ZNF385D: variants seen among roughly 807,000 people sequenced by gnomAD.
ZNF385D encodes zinc finger protein 659.
Under a neutral mutation model 35.8 loss-of-function variants are expected in ZNF385D, and 15 were observed. The observed-to-expected ratio is 0.42, with a 90% CI of 0.28 to 0.64. The LOEUF is 0.64. Ranked by LOEUF, ZNF385D falls within the 30% of genes least tolerant of loss-of-function variation. The probability of loss-of-function intolerance (pLI) is 0.23; values close to 1 mark genes in which losing one functional copy is unlikely to be tolerated. For missense variants in ZNF385D, 474 were observed against 494.6 expected (o/e 0.96, Z 0.39); for synonymous variants, 212 against 186.8 (o/e 1.13, Z -1.10).
intron 2 of ZNF385D, among the ~76,000 whole-genome samples, chr3:22,285,200 G>A (rs1345095437): frequency 6.6e-6 from 1 of 152,094 alleles, no homozygotes; most frequent in Admixed American, 6.6e-5. Context: ...TCTTCAAACA[G>A]GTTACTCTGT....
At chr3:21,795,060 C>A (rs2072089675) in intron 3 of ZNF385D, among the ~76,000 whole-genome samples, 1 of 152,084 alleles carries the variant, frequency 6.6e-6, no homozygotes, top group Non-Finnish European at 1.5e-5. Context: ...TGTACCTGAT[C>A]CTTAATTAAA....
chr3:21,797,835 G>A (rs1446890667), intron 3 of ZNF385D, among the ~76,000 whole-genome samples: 4 of 152,140 alleles, frequency 2.6e-5, no homozygotes, highest in Admixed American at 1.3e-4. Flanking sequence ...GTGGTTTCCA[G>A]GAATTTGGGG....
At chr3:21,670,647 G>GCCCCCCCCCCCCCCCCCCCCC (rs1575432248) in intron 1 of ZNF385D, among the ~76,000 whole-genome samples, 1 of 15,758 alleles carries the variant, frequency 6.3e-5, no homozygotes, top group Non-Finnish European at 1.2e-4. Flanking sequence ...GAAATCCTAA[G>GCCCCCCCCCCCCCCCCCCCCC]GCGCCCCCCC....
chr3:22,295,617 A>C (rs1702530579), intron 2 of ZNF385D, among the ~76,000 whole-genome samples: 2 of 152,196 alleles, frequency 1.3e-5, no homozygotes, highest in Admixed American at 6.5e-5. Flanking sequence ...TCTAGGGCTG[A>C]ACTAGGTAAA....
intron 3 of ZNF385D, among the ~76,000 whole-genome samples, chr3:21,793,856 C>T (rs1020300052): frequency 2.0e-5 from 3 of 152,184 alleles, no homozygotes; most frequent in Non-Finnish European, 4.4e-5. Context: ...GTTTAGGGAA[C>T]CATTCTCAGG....
rs987330047 is a variant in ZNF385D, at chr3:21,908,347, G to A, written c.326-243319C>T. ...AAGGGCCTGAATGATATTACATGAG[G>A]AACAGATAGATACCTTTCCTATTGA... On this transcript the variant is annotated intron_variant, in intron 3 of 5. Coordinates refer to the ZNF385D transcript ENST00000494108. Among the ~76,000 whole-genome samples, 4 of 151,930 alleles carry A rather than the reference G, an allele frequency of 2.6e-5. No homozygotes were observed. The South Asian group carries it at 8.3e-4, about 32-fold the overall frequency.
chr3:21,872,402 A>G (rs1241652720), intron 3 of ZNF385D, among the ~76,000 whole-genome samples: 2 of 152,186 alleles, frequency 1.3e-5, no homozygotes, highest in African/African-American at 4.8e-5. Context: ...CTGGAACTCC[A>G]TATACACACT....
chr3:22,174,734 T>C (rs1356239046), intron 2 of ZNF385D, among the ~76,000 whole-genome samples: 1 of 152,100 alleles, frequency 6.6e-6, no homozygotes, highest in Non-Finnish European at 1.5e-5. Context: ...TTCATGGCGA[T>C]AACACTGAAA....
chr3:22,062,115 G>T (rs1349252205), intron 3 of ZNF385D, among the ~76,000 whole-genome samples: 1 of 152,116 alleles, frequency 6.6e-6, no homozygotes, highest in Non-Finnish European at 1.5e-5. Flanking sequence ...ATGCCTCCCT[G>T]CAGCCTCGAC....
intron 2 of ZNF385D, among the ~76,000 whole-genome samples, chr3:22,230,831 C>T (rs752882279): frequency 2.0e-5 from 3 of 152,078 alleles, no homozygotes; most frequent in Non-Finnish European, 4.4e-5. Context: ...TGTCTGCTTG[C>T]AGTGCCATGG....
intron 3 of ZNF385D, among the ~76,000 whole-genome samples, chr3:22,129,655 C>G (rs1703657229): frequency 6.6e-6 from 1 of 151,996 alleles, no homozygotes; most frequent in Non-Finnish European, 1.5e-5. Context: ...GGTGTTTATT[C>G]AAGACCCAAG....
At chr3:21,994,559 T>C (rs1242941748) in intron 3 of ZNF385D, among the ~76,000 whole-genome samples, 3 of 152,206 alleles carry the variant, frequency 2.0e-5, no homozygotes, top group Non-Finnish European at 2.9e-5. Flanking sequence ...TTGGAATCTA[T>C]TGCTTGAGAA....
In ZNF385D at chr3:21,525,296, A is replaced by G. The variant is rs555805914; in HGVS notation, c.277-14273T>C. Among the ~76,000 whole-genome samples, 48 of 152,314 alleles carry G rather than the reference A, an allele frequency of 3.2e-4. 1 individual carries two copies. The South Asian group carries it at 5.0e-3, about 16-fold the overall frequency. On this transcript the variant is annotated intron_variant, in intron 3 of 7. Transcript: ENST00000281523. ...GGTATATTCAGTGATTTGAGGAAGA[A>G]ATGCCAAACAGAGACTGCATTTGGC...
chr3:22,038,633 T>G (rs933258160), intron 3 of ZNF385D, among the ~76,000 whole-genome samples: 2 of 152,086 alleles, frequency 1.3e-5, no homozygotes, highest in Non-Finnish European at 2.9e-5. Context: ...AATCAAAAGT[T>G]TGAAAAAACT....
chr3:22,316,302 C>T (rs1703881224), intron 2 of ZNF385D, among the ~76,000 whole-genome samples: 1 of 152,198 alleles, frequency 6.6e-6, no homozygotes, highest in South Asian at 2.1e-4. Flanking sequence ...TGTCCTAAAT[C>T]TTGGCTGGCC....
chr3:22,105,976 C>A (rs915886474), intron 3 of ZNF385D, among the ~76,000 whole-genome samples: 2 of 152,004 alleles, frequency 1.3e-5, no homozygotes, highest in Non-Finnish European at 2.9e-5. Flanking sequence ...TCATAAATAA[C>A]TTTCATATTA....
intron 3 of ZNF385D, among the ~76,000 whole-genome samples, chr3:21,887,828 T>C (rs905830015): frequency 3.3e-5 from 5 of 152,108 alleles, no homozygotes; most frequent in African/African-American, 1.2e-4. Context: ...ATGTCAGGAA[T>C]TGAAAAGAAA....
At chr3:21,553,928 G>A (rs1213562960) in intron 3 of ZNF385D, among the ~76,000 whole-genome samples, 4 of 152,054 alleles carry the variant, frequency 2.6e-5, no homozygotes, top group Non-Finnish European at 5.9e-5. Context: ...TACTTCTCTT[G>A]CTATTTCCAC....
chr3:22,013,901 C>A (rs1696722624), intron 3 of ZNF385D, among the ~76,000 whole-genome samples: 1 of 151,924 alleles, frequency 6.6e-6, no homozygotes, highest in Non-Finnish European at 1.5e-5. Flanking sequence ...TAATTAAGTA[C>A]AAAGCTCTTC....
Sources: allele counts gnomAD v4.1 joint callset (sites outside exome capture counted in the v4.1 genomes callset), GRCh38; gene constraint gnomAD v4.1.1; transcripts MANE v1.5; gene names NCBI Gene and HGNC (gene_info 2026-07-23, HGNC 2026-07-21).